C7orf33: variants seen among roughly 807,000 people sequenced by gnomAD.
The protein encoded by C7orf33 is chromosome 7 open reading frame 33, also known as uncharacterized protein C7orf33.
C7orf33 carries 15 observed loss-of-function variants against 13.4 expected under a neutral mutation model. That is an observed-to-expected ratio of 1.12 (90% confidence interval 0.75 to 1.72). The LOEUF (loss-of-function observed/expected upper bound fraction) is 1.72. Ranked by LOEUF, C7orf33 falls within the 40% of genes most tolerant of loss-of-function variation. The probability of loss-of-function intolerance (pLI) is 0.00; values close to 1 mark genes in which losing one functional copy is unlikely to be tolerated. For missense variants in C7orf33, 187 were observed against 220.3 expected (o/e 0.85, Z 0.96); for synonymous variants, 73 against 83.2 (o/e 0.88, Z 0.67).
Position 148,597,990 on chromosome 7 carries a change from A to C in C7orf33, c.204+6861A>C, listed in dbSNP as rs569784572. Reference sequence around the variant, plus strand: ...CAGGATGATCTCGATCTCCTGACCTAGTGATCCTCCCGCCTTGGTCTCCAA... The same window carrying C: ...CAGGATGATCTCGATCTCCTGACCTCGTGATCCTCCCGCCTTGGTCTCCAA... On this transcript the variant is annotated intron_variant, in intron 1 of 2. Coordinates refer to ENST00000307003, the MANE Select transcript of C7orf33 (RefSeq NM_145304.4). Among the ~76,000 whole-genome samples, 428 of 152,182 alleles carry C rather than the reference A, an allele frequency of 2.8e-3. 2 individuals are homozygous for C. Among genetic ancestry groups the C allele is most frequent in the Non-Finnish European group, 4.3e-3 (293 of 68,002 alleles).
intron 1 of C7orf33, among the ~76,000 whole-genome samples, chr7:148,591,625 G>A (rs750786499): frequency 2.0e-5 from 3 of 152,128 alleles, no homozygotes; most frequent in Non-Finnish European, 2.9e-5. Flanking sequence ...CTGTCACCCA[G>A]GCTGGAGTGC....
chr7:148,612,248 A>G (rs1420532008), intron 1 of C7orf33, among the ~76,000 whole-genome samples: 1 of 151,998 alleles, frequency 6.6e-6, no homozygotes, highest in Non-Finnish European at 1.5e-5. Context: ...TCTTGGTTCT[A>G]AGTATCTTAT....
intron 1 of C7orf33, among the ~76,000 whole-genome samples, chr7:148,600,566 G>A (rs772409800): frequency 2.0e-5 from 3 of 152,134 alleles, no homozygotes; most frequent in Admixed American, 6.5e-5. Context: ...ACTTTTTACT[G>A]TCAATGAGGT....
chr7:148,614,305 C>T lies in C7orf33; in HGVS notation c.459+9C>T, dbSNP rs772381621. 1.4e-5 allele frequency: 23 copies of T among 1,612,764 alleles called. No homozygotes were observed. Among genetic ancestry groups the T allele is most frequent in the South Asian group, 1.1e-4 (10 of 90,968 alleles). On this transcript the variant is annotated intron_variant, in intron 2 of 2. Coordinates refer to ENST00000307003, the MANE Select transcript of C7orf33 (RefSeq NM_145304.4). ...CAAGTTCATACCTAAACGTAAGCTCCGAAGTGTCTTAGCACCTCCAAGTTT... is the reference window on the plus strand; with the variant it reads ...CAAGTTCATACCTAAACGTAAGCTCTGAAGTGTCTTAGCACCTCCAAGTTT...
chr7:148,612,086 CTA>C (rs1216734042), intron 1 of C7orf33, among the ~76,000 whole-genome samples: 1 of 152,244 alleles, frequency 6.6e-6, no homozygotes, highest in African/African-American at 2.4e-5. Context: ...ATCAGTGCCT[CTA>C]TAGAAAAGGC....
At chr7:148,599,752 C>G (rs1331424358) in intron 1 of C7orf33, among the ~76,000 whole-genome samples, 5 of 152,108 alleles carry the variant, frequency 3.3e-5, no homozygotes, top group Non-Finnish European at 5.9e-5. Context: ...GGATTACAGG[C>G]GTGAGCCACC....
intron 1 of C7orf33, among the ~76,000 whole-genome samples, chr7:148,593,833 T>C (rs1451382427): frequency 6.6e-6 from 1 of 152,008 alleles, no homozygotes; most frequent in African/African-American, 2.4e-5. Flanking sequence ...TGGTTGAATA[T>C]TTGCCCGGCT....
chr7:148,595,630 C>CTATATTATATAGATATAATATAG (rs1563120396), intron 1 of C7orf33, among the ~76,000 whole-genome samples: 2 of 89,020 alleles, frequency 2.2e-5, no homozygotes, highest in South Asian at 4.4e-4. Flanking sequence ...ATATAATATA[C>CTATATTATATAGATATAATATAG]ATCTATATTA....
At position 148,614,280 on chromosome 7, in the gene C7orf33, C is replaced by G. The variant is rs909640056; in HGVS notation, c.443C>G (p.Thr148Arg). 10 of 1,614,056 alleles carry G rather than the reference C, an allele frequency of 6.2e-6. No homozygotes were observed. Among genetic ancestry groups the G allele is most frequent in the Non-Finnish European group, 7.6e-6 (9 of 1,180,034 alleles). Residue 148 changes from threonine to arginine, a missense_variant, in exon 2 of 3, where the codon ACA becomes AGA. Thr to Arg is a moderately conservative substitution (Grantham distance 71). Coordinates refer to ENST00000307003, the MANE Select transcript of C7orf33 (RefSeq NM_145304.4). ...TLSYKPGRTV[T>R]SSYLNVRGHE... ...TCTTACAAGCCTGGGAGGACAGTGA[C>G]AAGTTCATACCTAAACGTAAGCTCC...
intron 1 of C7orf33, among the ~76,000 whole-genome samples, chr7:148,608,465 G>C (rs531847656): frequency 2.2e-4 from 33 of 151,758 alleles, no homozygotes; most frequent in African/African-American, 7.7e-4. Flanking sequence ...CCCTCCCCTT[G>C]CCTGCCAAAG....
chr7:148,610,637 G>A (rs978170009), intron 1 of C7orf33, among the ~76,000 whole-genome samples: 1 of 152,028 alleles, frequency 6.6e-6, no homozygotes, highest in Non-Finnish European at 1.5e-5. Context: ...TACAACTTCC[G>A]AGGAGGGAGA....
chr7:148,602,350 A>G (rs548180158), intron 1 of C7orf33, among the ~76,000 whole-genome samples: 1 of 152,160 alleles, frequency 6.6e-6, no homozygotes, highest in Admixed American at 6.5e-5. Context: ...AAACCCAGCC[A>G]CTTCGGGAGG....
intron 1 of C7orf33, among the ~76,000 whole-genome samples, chr7:148,595,489 C>A (rs1178801436): frequency 8.4e-6 from 1 of 119,634 alleles, no homozygotes; most frequent in Admixed American, 8.7e-5. Context: ...ATTATATATA[C>A]TATAGATCTA....
rs1000619918 is a variant in C7orf33 at position 148,614,149 on chromosome 7, G to A, written c.312G>A (p.Thr104=). ...GGCATTTTCTTTCTCAAGGTCCCAC[G>A]GATGCCCAGAGAGCAGTCAGAATCA... ...APWHFLSQGP[T]DAQRAVRIRP... Residue 104 remains threonine (T), a synonymous_variant, in exon 2 of 3, where the codon ACG becomes ACA. Coordinates refer to ENST00000307003, the MANE Select transcript of C7orf33 (RefSeq NM_145304.4). 10 of 1,614,048 alleles carry A rather than the reference G, an allele frequency of 6.2e-6. No homozygotes were observed. The highest frequency in any genetic ancestry group is 2.7e-5 in the African/African-American group (2 of 74,904).
intron 2 of C7orf33, among the ~76,000 whole-genome samples, chr7:148,614,890 G>T (rs146788822): frequency 6.6e-6 from 1 of 152,196 alleles, no homozygotes; most frequent in Non-Finnish European, 1.5e-5. Flanking sequence ...ATTGTTGCCT[G>T]TATCACTTTA....
rs769275398 is a variant in C7orf33, at chr7:148,590,882, G to A, written c.-44G>A. On this transcript the variant is annotated 5_prime_UTR_variant, in exon 1 of 3. Transcript: ENST00000307003. ...TCTTAGATATTGGTGGTGAAGCGCC[G>A]CTCTCCTTGACAGCATCCAGGAAAG... 2.1e-5 allele frequency: 33 copies of A among 1,555,204 alleles called. No individual in the cohort carries two copies. The highest frequency in any genetic ancestry group is 2.6e-5 in the Non-Finnish European group (29 of 1,126,900).
At chr7:148,597,935 T>C (rs1796360389) in intron 1 of C7orf33, among the ~76,000 whole-genome samples, 1 of 152,172 alleles carries the variant, frequency 6.6e-6, no homozygotes, top group African/African-American at 2.4e-5. Flanking sequence ...TTTTGTATTT[T>C]TAGTAGAGAT....
intron 1 of C7orf33, among the ~76,000 whole-genome samples, chr7:148,598,725 G>GATATATATATAT (rs1161811167): frequency 8.2e-5 from 2 of 24,388 alleles, no homozygotes; most frequent in Non-Finnish European, 1.6e-4. Context: ...TTCATTCCTG[G>GATATATATATAT]ATATATATAT....
At chr7:148,599,690 G>T (rs530651019) in intron 1 of C7orf33, among the ~76,000 whole-genome samples, 1 of 152,042 alleles carries the variant, frequency 6.6e-6, no homozygotes, top group South Asian at 2.1e-4. Flanking sequence ...GGTCAGGCTG[G>T]TCTCGAAATC....
Sources: allele counts gnomAD v4.1 joint callset (sites outside exome capture counted in the v4.1 genomes callset), GRCh38; gene constraint gnomAD v4.1.1; transcripts MANE v1.5; gene names NCBI Gene and HGNC (gene_info 2026-07-23, HGNC 2026-07-21).